RNASE7: variants seen among roughly 807,000 people sequenced by gnomAD.
RNASE7 encodes ribonuclease A family member 7, also known as ribonuclease 7.
For synonymous variants in RNASE7, 80 were observed against 77.5 expected (o/e 1.03, Z -0.17); for missense variants, 184 against 191.5 (o/e 0.96, Z 0.23).
In RNASE7 at chr14:21,043,773, G is replaced by A. The variant is rs896281414; in HGVS notation, c.*310G>A. On this transcript the variant is annotated 3_prime_UTR_variant, in exon 2 of 2. Transcript: ENST00000298690. ...GCATTAGGGCAGCATGACAAGGAGA[G>A]GAAATAAATGGAAAGGGGGCATATG... 6 of 278,738 alleles carry A rather than the reference G, an allele frequency of 2.2e-5. No individual in the cohort carries two copies. In the Admixed American group the frequency reaches 2.9e-4, roughly 13 times the overall value. 17.3% of individuals were successfully genotyped at this position (278,738 alleles called of 1,614,324 possible).
Position 21,043,725 on chromosome 14 carries a change from G to T in RNASE7, c.*262G>T, listed in dbSNP as rs1158708790. On this transcript the variant is annotated 3_prime_UTR_variant, in exon 2 of 2. Transcript: ENST00000298690. ...TGTGGGTTCCCTGGTCTATGCCATT[G>T]CACATGTCTCCCCTGCCCCCTGGCA... is the stretch of plus-strand genomic sequence containing the variant. 5 of 421,750 alleles carry T rather than the reference G, an allele frequency of 1.2e-5. No homozygotes were observed. Among genetic ancestry groups the T allele is most frequent in the Non-Finnish European group, 1.7e-5 (4 of 228,868 alleles). 26.1% of individuals were successfully genotyped at this position (421,750 alleles called of 1,614,324 possible).
In RNASE7 at chr14:21,043,694, C is replaced by G. The variant is rs1473517538; in HGVS notation, c.*231C>G. 1 of 512,452 alleles carries G rather than the reference C, an allele frequency of 2.0e-6. No homozygotes were observed. The highest frequency in any genetic ancestry group is 5.2e-4 in the Middle Eastern group (1 of 1,926). 31.7% of individuals were successfully genotyped at this position (512,452 alleles called of 1,614,324 possible). Reference sequence around the variant, plus strand: ...GCTTATCCCCAAGAAACAGCAAGCTCAGGTCTGTGGGTTCCCTGGTCTATG... The same window carrying G: ...GCTTATCCCCAAGAAACAGCAAGCTGAGGTCTGTGGGTTCCCTGGTCTATG... On this transcript the variant is annotated 3_prime_UTR_variant, in exon 2 of 2. Coordinates refer to ENST00000298690, the MANE Select transcript of RNASE7 (RefSeq NM_032572.4).
rs34429026 is a variant in RNASE7 at position 21,043,411 on chromosome 14, A to G, written c.419A>G (p.Lys140Arg). The G allele has an allele frequency of 2.4e-5, 38 of 1,611,314 alleles. No individual in the cohort carries two copies. In the African/African-American group the frequency reaches 4.9e-4, roughly 21 times the overall value. Reference sequence around the variant, plus strand: ...GTGGCCTGTAAGCCTCCCCAGAAAAAGGACTCTCAGCAATTCCACCTGGTT... The same window carrying G: ...GTGGCCTGTAAGCCTCCCCAGAAAAGGGACTCTCAGCAATTCCACCTGGTT... ...YVVACKPPQK[K>R]DSQQFHLVPV... Residue 140 changes from lysine (K) to arginine (R), a missense_variant, in exon 2 of 2, where the codon AAG becomes AGG. By Grantham distance (26) the Lys-to-Arg change is conservative. Coordinates refer to ENST00000298690, the MANE Select transcript of RNASE7 (RefSeq NM_032572.4).
At chr14:21,042,640 C>T (rs901318854) in intron 1 of RNASE7, among the ~76,000 whole-genome samples, 198 bp downstream of exon 1, 9 of 151,752 alleles carry the variant, frequency 5.9e-5, no homozygotes, top group South Asian at 2.1e-4. Flanking sequence ...GGAACACAGA[C>T]GAGATGGGAA....
Position 21,043,105 on chromosome 14 carries a change from G to A in RNASE7, c.113G>A (p.Trp38Ter), listed in dbSNP as rs959782814. The change falls in exon 2 of 2, where the codon TGG becomes TAG. Residue 38 changes from tryptophan to a stop codon, truncating the protein, a stop_gained. Transcript: ENST00000298690. LOFTEE classifies it low-confidence loss of function (END_TRUNC). ...CCCAAGGGCATGACCTCATCACAGT[G>A]GTTTAAAATTCAGCACATGCAGCCC... ...AKPKGMTSSQ[W>*]FKIQHMQPSP... 4 of 1,614,000 alleles carry A rather than the reference G, an allele frequency of 2.5e-6. No homozygotes were observed. The Admixed American group carries it at 6.7e-5, about 27-fold the overall frequency.
At position 21,043,601 on chromosome 14, in the gene RNASE7, G is replaced by A. The variant is rs946839408; in HGVS notation, c.*138G>A. ...GTTCAGCCTCTGCTGGGAGGCTGAA[G>A]CTGACACTCTGGTGAGCTGAGCTCT... is the stretch of plus-strand genomic sequence containing the variant. On this transcript the variant is annotated 3_prime_UTR_variant, in exon 2 of 2. Transcript: ENST00000298690. 2 of 653,244 alleles carry A rather than the reference G, an allele frequency of 3.1e-6. No homozygotes were observed. The highest frequency in any genetic ancestry group is 3.7e-5 in the African/African-American group (2 of 54,524). 40.5% of individuals were successfully genotyped at this position (653,244 alleles called of 1,614,324 possible). A position where few individuals can be genotyped will look rare whatever the true frequency, so the allele number is the denominator to read the frequency against.
Position 21,043,730 on chromosome 14 carries a change from T to C in RNASE7, c.*267T>C. The C allele has an allele frequency of 2.5e-6, 1 of 400,220 alleles. No individual in the cohort carries two copies. Among genetic ancestry groups the C allele is most frequent in the Non-Finnish European group, 4.6e-6 (1 of 215,638 alleles). The allele number at this position is 400,220 out of a possible 1,614,324, so 24.8% of individuals were successfully genotyped here. On this transcript the variant is annotated 3_prime_UTR_variant, in exon 2 of 2. Transcript: ENST00000298690. ...GTTCCCTGGTCTATGCCATTGCACA[T>C]GTCTCCCCTGCCCCCTGGCATTAGG...
chr14:21,043,686 A>G lies in RNASE7; in HGVS notation c.*223A>G, dbSNP rs111244969. 1,031 of 523,904 alleles carry G rather than the reference A, an allele frequency of 2.0e-3. 7 individuals are homozygous for G. The highest frequency in any genetic ancestry group is 0.018 in the African/African-American group (944 of 52,078). The allele number at this position is 523,904 out of a possible 1,614,324, so 32.5% of individuals were successfully genotyped here. A position where few individuals can be genotyped will look rare whatever the true frequency, so the allele number is the denominator to read the frequency against. The stretch of plus-strand genomic sequence containing the variant: ...TCCCAGATGCTTATCCCCAAGAAAC[A>G]GCAAGCTCAGGTCTGTGGGTTCCCT... On this transcript the variant is annotated 3_prime_UTR_variant, in exon 2 of 2. Coordinates refer to ENST00000298690, the MANE Select transcript of RNASE7 (RefSeq NM_032572.4).
At position 21,042,387 on chromosome 14, in the gene RNASE7, T is replaced by C. The variant is rs1056654908; in HGVS notation, c.-96T>C. 5 of 155,020 alleles carry C rather than the reference T, an allele frequency of 3.2e-5. No homozygotes were observed. The highest frequency in any genetic ancestry group is 1.3e-4 in the African/African-American group (5 of 38,820). The allele number at this position is 155,020 out of a possible 1,614,324, so 9.6% of individuals were successfully genotyped here. A position where few individuals can be genotyped will look rare whatever the true frequency, so the allele number is the denominator to read the frequency against. ...AGAGATCTGACAGCCTAGGAGTGCG[T>C]GGACACCACCTCAGCCCACTGAGCA... On this transcript the variant is annotated 5_prime_UTR_variant, in exon 1 of 2. Transcript: ENST00000298690.
At chr14:21,042,739 G>A (rs190374064) in intron 1 of RNASE7, among the ~76,000 whole-genome samples, 312 of 152,232 alleles carry the variant, frequency 2.0e-3, no homozygotes, top group Middle Eastern at 6.8e-3. Context: ...AGAGTGACAG[G>A]CAACAGGGAC....
chr14:21,043,165 T>A lies in RNASE7; in HGVS notation c.173T>A (p.Ile58Asn). The change falls in exon 2 of 2, where the codon ATT becomes AAT. Residue 58 changes from isoleucine (I) to asparagine (N), a missense_variant. Physicochemically the swap from Ile to Asn is moderately radical, Grantham distance 149. Coordinates refer to ENST00000298690, the MANE Select transcript of RNASE7 (RefSeq NM_032572.4). ...GCATGCAACTCAGCCATGAAAAACA[T>A]TAACAAGCACACAAAACGGTGCAAA... The part of the protein sequence containing the change: ...PQACNSAMKN[I>N]NKHTKRCKDL... 1 of 1,614,168 alleles carries A rather than the reference T, an allele frequency of 6.2e-7. No individual in the cohort carries two copies. Among genetic ancestry groups the A allele is most frequent in the Non-Finnish European group, 8.5e-7 (1 of 1,180,038 alleles).
Position 21,043,063 on chromosome 14 carries a change from T to A in RNASE7, c.71T>A (p.Ile24Asn), listed in dbSNP as rs558985292. The change falls in exon 2 of 2, where the codon ATC becomes AAC. Residue 24 changes from isoleucine (I) to asparagine (N), a missense_variant. Transcript: ENST00000298690. Reference sequence around the variant, plus strand: ...CTGCTGGGGCTGTGGGTGGCAGAGATCCCAGTCAGTGCCAAGCCCAAGGGC... The same window carrying A: ...CTGCTGGGGCTGTGGGTGGCAGAGAACCCAGTCAGTGCCAAGCCCAAGGGC... ...LLLLGLWVAE[I>N]PVSAKPKGMT... 7 of 1,614,124 alleles carry A rather than the reference T, an allele frequency of 4.3e-6. No homozygotes were observed. The South Asian group carries it at 7.7e-5, about 18-fold the overall frequency.
At position 21,043,207 on chromosome 14, in the gene RNASE7, T is replaced by C; in HGVS notation, c.215T>C (p.Leu72Pro). ...TKRCKDLNTF[L>P]HEPFSSVAAT... ...CGGTGCAAAGACCTCAACACCTTCC[T>C]GCACGAGCCTTTCTCCAGTGTGGCC... The change falls in exon 2 of 2, where the codon CTG becomes CCG. Residue 72 changes from leucine to proline, a missense_variant. Transcript: ENST00000298690. 1 of 1,614,204 alleles carries C rather than the reference T, an allele frequency of 6.2e-7. No homozygotes were observed. The highest frequency in any genetic ancestry group is 8.5e-7 in the Non-Finnish European group (1 of 1,180,046).
At position 21,042,996 on chromosome 14, in the gene RNASE7, G is replaced by C. The variant is rs1420496022; in HGVS notation, c.4G>C (p.Ala2Pro). ...CTGACTGCTCCTCCTAAGAGAGATGGCACCGGCCAGAGCAGGATTCTGCCC... is the reference window on the plus strand; with the variant it reads ...CTGACTGCTCCTCCTAAGAGAGATGCCACCGGCCAGAGCAGGATTCTGCCC... M[A>P]PARAGFCPLL... Residue 2 changes from alanine to proline, a missense_variant, in exon 2 of 2, where the codon GCA becomes CCA. By Grantham distance (27) the Ala-to-Pro change is conservative. Transcript: ENST00000298690. 1 of 1,611,898 alleles carries C rather than the reference G, an allele frequency of 6.2e-7. No homozygotes were observed. Among genetic ancestry groups the C allele is most frequent in the African/African-American group, 1.3e-5 (1 of 74,888 alleles).
chr14:21,042,572 C>T (rs1160725020), intron 1 of RNASE7, 130 bp downstream of exon 1: 3 of 197,602 alleles, frequency 1.5e-5, no homozygotes, highest in Non-Finnish European at 3.1e-5. Context: ...GATGAGGACA[C>T]GCATTGGGGA....
Position 21,043,573 on chromosome 14 carries a change from C to G in RNASE7, c.*110C>G, listed in dbSNP as rs1885012767. ...TTCCCCTCATCTCTTGGGGCTGTTC[C>G]TGGTTCAGCCTCTGCTGGGAGGCTG... On this transcript the variant is annotated 3_prime_UTR_variant, in exon 2 of 2. Transcript: ENST00000298690. 7 of 760,638 alleles carry G rather than the reference C, an allele frequency of 9.2e-6. No individual in the cohort carries two copies. The highest frequency in any genetic ancestry group is 8.5e-5 in the Admixed American group (3 of 35,124). The allele number at this position is 760,638 out of a possible 1,614,324, so 47.1% of individuals were successfully genotyped here.
rs200319329 is a variant in RNASE7, at chr14:21,043,267, A to G, written c.275A>G (p.Asn92Ser). The change falls in exon 2 of 2, where the codon AAT (asparagine) becomes AGT (serine). Residue 92 changes from asparagine (N) to serine (S), a missense_variant. Physicochemically the swap from Asn to Ser is conservative, Grantham distance 46. Transcript: ENST00000298690. ...CAGACCCCCAAAATAGCCTGCAAGA[A>G]TGGCGATAAAAACTGCCACCAGAGC... ...TCQTPKIACK[N>S]GDKNCHQSHG... 216 of 1,614,204 alleles carry G rather than the reference A, an allele frequency of 1.3e-4. No homozygotes were observed. The African/African-American group carries it at 2.5e-3, about 19-fold the overall frequency.
At chr14:21,042,887 TG>T in intron 1 of RNASE7, 65 bp from the exon 2 acceptor site, 1 of 916,772 alleles carries the variant, frequency 1.1e-6, no homozygotes, top group Non-Finnish European at 1.6e-6. Flanking sequence ...AGTAGGGAGA[TG>T]GGTGACTAGC....
rs1227087256 is a variant in RNASE7 at position 21,043,808 on chromosome 14, G to T, written c.*345G>T. ...GGAAAGGGGGCATATGGGATTTGTG[G>T]ACACAGCTGTTTCTGTTCCTGAACT... On this transcript the variant is annotated 3_prime_UTR_variant, in exon 2 of 2. Coordinates refer to ENST00000298690, the MANE Select transcript of RNASE7 (RefSeq NM_032572.4). 3 of 230,728 alleles carry T rather than the reference G, an allele frequency of 1.3e-5. No individual in the cohort carries two copies. The South Asian group carries it at 3.1e-4, about 24-fold the overall frequency. The allele number at this position is 230,728 out of a possible 1,614,324, so 14.3% of individuals were successfully genotyped here.
Sources: allele counts gnomAD v4.1 joint callset (sites outside exome capture counted in the v4.1 genomes callset), GRCh38; gene constraint gnomAD v4.1.1; transcripts MANE v1.5; gene names NCBI Gene and HGNC (gene_info 2026-07-23, HGNC 2026-07-21).